PTPRD: variants seen among roughly 807,000 people sequenced by gnomAD.
PTPRD encodes receptor-type tyrosine-protein phosphatase delta.
PTPRD carries 34 observed loss-of-function variants against 214.5 expected under a neutral mutation model. The ratio of observed to expected loss-of-function variants is 0.16; its 90% CI spans 0.12 to 0.21. The LOEUF is 0.21. Ranked by LOEUF, PTPRD falls within the 10% of genes least tolerant of loss-of-function variation. The pLI, the probability that PTPRD is intolerant of heterozygous loss-of-function variation, is 1.00. For missense variants in PTPRD, 2,545 were observed against 2,398.7 expected, an observed-to-expected ratio of 1.06 and a Z score of -1.27; for synonymous variants, 1,128 against 845.7, an observed-to-expected ratio of 1.33 and a Z score of -5.79.
At chr9:10,504,143 A>AAAAAAAAAAAAAATTT (rs2045049101) in intron 2 of PTPRD, among the ~76,000 whole-genome samples, 1 of 143,270 alleles carries the variant, frequency 7.0e-6, no homozygotes, top group Non-Finnish European at 1.5e-5. Flanking sequence ...AAAAAAAAAG[A>AAAAAAAAAAAAAATTT]TGTACGGGGA....
At chr9:8,611,442 C>G (rs1030611063) in intron 14 of PTPRD, among the ~76,000 whole-genome samples, 1 of 152,078 alleles carries the variant, frequency 6.6e-6, no homozygotes. Flanking sequence ...TAGTGGCTCA[C>G]ACCTGTAATC....
At chr9:9,962,430 T>G (rs1566763359) in intron 4 of PTPRD, among the ~76,000 whole-genome samples, 1 of 152,038 alleles carries the variant, frequency 6.6e-6, no homozygotes, top group Admixed American at 6.5e-5. Flanking sequence ...TAAAGAAAAT[T>G]AGAATATCTG....
chr9:9,014,510 A>G (rs945450527), intron 11 of PTPRD, among the ~76,000 whole-genome samples: 1 of 152,180 alleles, frequency 6.6e-6, no homozygotes, highest in African/African-American at 2.4e-5. Context: ...GAATAAGATC[A>G]CAATCAATCC....
intron 4 of PTPRD, among the ~76,000 whole-genome samples, chr9:9,988,094 T>G (rs916398144): frequency 1.1e-4 from 17 of 152,206 alleles, no homozygotes; most frequent in African/African-American, 3.1e-4. Context: ...TGGGAGTGTT[T>G]GATAGCTAAA....
At chr9:9,215,549 G>A (rs902399229) in intron 9 of PTPRD, among the ~76,000 whole-genome samples, 1 of 152,138 alleles carries the variant, frequency 6.6e-6, no homozygotes, top group Non-Finnish European at 1.5e-5. Context: ...AAAGACTGAG[G>A]CCTCTGTTTT....
chr9:8,876,125 G>A (rs2098386946), intron 11 of PTPRD, among the ~76,000 whole-genome samples: 1 of 152,220 alleles, frequency 6.6e-6, no homozygotes, highest in South Asian at 2.1e-4. Context: ...AGATAATAGA[G>A]CATAGAATTG....
intron 7 of PTPRD, among the ~76,000 whole-genome samples, chr9:9,718,634 C>A (rs2097877337): frequency 6.6e-6 from 1 of 152,244 alleles, no homozygotes; most frequent in African/African-American, 2.4e-5. Context: ...CTCCCTGCTC[C>A]AAGCACCTGC....
At chr9:9,139,119 T>C (rs1288228926) in intron 10 of PTPRD, among the ~76,000 whole-genome samples, 3 of 140,978 alleles carry the variant, frequency 2.1e-5, no homozygotes, top group Non-Finnish European at 3.1e-5. Context: ...CCCCACCTTA[T>C]CCGTGGGGGA....
intron 2 of PTPRD, among the ~76,000 whole-genome samples, chr9:10,448,555 C>G (rs1022006733): frequency 6.6e-5 from 10 of 151,944 alleles, no homozygotes; most frequent in African/African-American, 2.4e-4. Context: ...ATAGTGAACA[C>G]CTTAAATATA....
intron 4 of PTPRD, among the ~76,000 whole-genome samples, chr9:10,025,471 C>T (rs930933754): frequency 2.6e-5 from 4 of 151,660 alleles, no homozygotes; most frequent in Non-Finnish European, 5.9e-5. Flanking sequence ...ATGTACATAA[C>T]CATAATACAA....
intron 3 of PTPRD, among the ~76,000 whole-genome samples, chr9:10,167,245 G>C (rs955732701): frequency 2.6e-5 from 4 of 151,734 alleles, no homozygotes; most frequent in Non-Finnish European, 4.4e-5. Context: ...TAATAGTGGA[G>C]CTAATTCTCA....
intron 11 of PTPRD, among the ~76,000 whole-genome samples, chr9:8,820,876 C>T (rs562425092): frequency 2.0e-5 from 3 of 152,128 alleles, no homozygotes; most frequent in African/African-American, 4.8e-5. Flanking sequence ...ACTCCCTACA[C>T]GACAAGTCAA....
chr9:9,233,449 C>G (rs1469855769), intron 9 of PTPRD, among the ~76,000 whole-genome samples: 1 of 152,128 alleles, frequency 6.6e-6, no homozygotes, highest in Admixed American at 6.6e-5. Flanking sequence ...ATCATTCTGC[C>G]CCGGGCCACT....
chr9:8,367,820 T>A (rs1484446616), intron 39 of PTPRD, among the ~76,000 whole-genome samples: 1 of 152,330 alleles, frequency 6.6e-6, no homozygotes, highest in East Asian at 1.9e-4. Context: ...AAACATTTGT[T>A]GACTTCTTTC....
chr9:10,374,931 T>C (rs2097698784), intron 2 of PTPRD, among the ~76,000 whole-genome samples: 1 of 152,018 alleles, frequency 6.6e-6, no homozygotes, highest in Admixed American at 6.6e-5. Context: ...CAGTGAAACA[T>C]TGGGTTACAG....
At chr9:10,171,688 C>G (rs558906843) in intron 3 of PTPRD, among the ~76,000 whole-genome samples, 38 of 152,180 alleles carry the variant, frequency 2.5e-4, no homozygotes, top group Middle Eastern at 3.4e-3. Context: ...CCACGCCCGG[C>G]TAATTTTTGT....
intron 11 of PTPRD, among the ~76,000 whole-genome samples, chr9:8,919,113 G>A (rs979605052): frequency 2.6e-5 from 4 of 152,054 alleles, no homozygotes; most frequent in African/African-American, 7.2e-5. Flanking sequence ...TTATCTAACT[G>A]CAGTTTAATA....
chr9:8,344,437 C>G (rs1049587516), intron 39 of PTPRD, among the ~76,000 whole-genome samples: 1 of 146,070 alleles, frequency 6.8e-6, no homozygotes. Context: ...CAGTATCAAC[C>G]TTTTCATAAT....
At chr9:9,519,685 A>G (rs112670975) in intron 8 of PTPRD, among the ~76,000 whole-genome samples, 4 of 152,148 alleles carry the variant, frequency 2.6e-5, no homozygotes, top group African/African-American at 7.2e-5. Context: ...TATAAAACAC[A>G]TATTGACAGG....
Sources: allele counts gnomAD v4.1 joint callset (sites outside exome capture counted in the v4.1 genomes callset), GRCh38; gene constraint gnomAD v4.1.1; transcripts MANE v1.5; gene names NCBI Gene and HGNC (gene_info 2026-07-23, HGNC 2026-07-21).